The following PLG variants were observed in gnomAD, a reference collection of about 807,000 sequenced individuals.
The protein encoded by PLG is plasminogen.
A neutral mutation model predicts 104.4 loss-of-function variants in PLG; 41 were observed. The ratio of observed to expected loss-of-function variants is 0.39; its 90% CI spans 0.31 to 0.51. PLG has a LOEUF of 0.51. Among genes scored for constraint, PLG ranks in the 20% least tolerant of loss-of-function variants. The pLI, the probability that PLG is intolerant of heterozygous loss-of-function variation, is 0.76. For synonymous variants in PLG, 337 were observed against 357.1 expected, an observed-to-expected ratio of 0.94 and a Z score of 0.63; for missense variants, 891 against 1,003.6, an observed-to-expected ratio of 0.89 and a Z score of 1.52.
chr6:160,749,327 C>T (rs1308970841), intron 17 of PLG, among the ~76,000 whole-genome samples: 1 of 151,930 alleles, frequency 6.6e-6, no homozygotes, highest in Non-Finnish European at 1.5e-5. Context: ...ATCATCACCA[C>T]CACCACCATC....
Position 160,703,324 on chromosome 6 carries a change from G to A in PLG, c.49+971G>A, listed in dbSNP as rs139428558. Among the ~76,000 whole-genome samples the A allele has an allele frequency of 4.1e-3, 619 of 150,968 alleles. 1 individual carries two copies. The highest frequency in any genetic ancestry group is 0.014 in the African/African-American group (579 of 41,098). The stretch of plus-strand genomic sequence containing the variant: ...TAACATATAGAATTCACCCATTTAG[G>A]CATACAATCCAATGGATTTCAAGAT... On this transcript the variant is annotated intron_variant, in intron 1 of 18. Coordinates refer to ENST00000308192, the MANE Select transcript of PLG (RefSeq NM_000301.5).
In PLG at chr6:160,740,762, C is replaced by G. The variant is rs553410751; in HGVS notation, c.2019-549C>G. ...CTTTGAAAACAAATACCATTTTGTTCAAGCAAAAGGCTTATTTCCAATCCT... is the reference window on the plus strand; with the variant it reads ...CTTTGAAAACAAATACCATTTTGTTGAAGCAAAAGGCTTATTTCCAATCCT... On this transcript the variant is annotated intron_variant, in intron 16 of 18. Coordinates refer to ENST00000308192, the MANE Select transcript of PLG (RefSeq NM_000301.5). The surrounding 1 kb of genome is among the most constrained non-coding windows in gnomAD (Gnocchi z 5.2). Among the ~76,000 whole-genome samples, 5 of 152,290 alleles carry G rather than the reference C, an allele frequency of 3.3e-5. No individual in the cohort carries two copies. In the East Asian group the frequency reaches 9.7e-4, roughly 29 times the overall value.
rs1562378606 is a variant in PLG, at chr6:160,732,287, T to A, written c.1587+394T>A. ...ATTTGGATGGGCCATCAGGTCACCA[T>A]GGGACTTCCCTTAGCCTCATGCATT... On this transcript the variant is annotated intron_variant, in intron 12 of 18. Coordinates refer to ENST00000308192, the MANE Select transcript of PLG (RefSeq NM_000301.5). The surrounding 1 kb of genome is among the most constrained non-coding windows in gnomAD (Gnocchi z 4.5). 6.6e-6 allele frequency among the ~76,000 whole-genome samples: 1 copy of A among 152,218 alleles called. No individual in the cohort carries two copies. The highest frequency in any genetic ancestry group is 2.4e-5 in the African/African-American group (1 of 41,446).
intron 2 of PLG, 60 bp downstream of exon 2, chr6:160,706,602 C>T (rs1052103805): frequency 5.3e-6 from 8 of 1,501,082 alleles, no homozygotes; most frequent in Non-Finnish European, 7.4e-6. Context: ...AAGTAATTTA[C>T]TCACAAATTT....
At position 160,752,837 on chromosome 6, in the gene PLG, G is replaced by A. The variant is rs1778428407; in HGVS notation, c.2272-63G>A. ...TGTATATATGGATAGTAGAAGGATGGCATCCCATAATAAAAGGCAGGCAGC... is the reference window on the plus strand; with the variant it reads ...TGTATATATGGATAGTAGAAGGATGACATCCCATAATAAAAGGCAGGCAGC... On this transcript the variant is annotated intron_variant, in intron 18 of 18. Coordinates refer to ENST00000308192, the MANE Select transcript of PLG (RefSeq NM_000301.5). This position sits in a 1 kb window ranked among gnomAD's most constrained non-coding sequence, Gnocchi z 4.7. The A allele has an allele frequency of 6.5e-7, 1 of 1,542,948 alleles. No homozygotes were observed. Among genetic ancestry groups the A allele is most frequent in the South Asian group, 1.1e-5 (1 of 89,566 alleles).
At chr6:160,710,970 A>G in intron 3 of PLG, 107 bp from the exon 4 acceptor site, 1 of 967,220 alleles carries the variant, frequency 1.0e-6, no homozygotes, top group South Asian at 1.3e-5. Context: ...GAAAGCAGAA[A>G]CAGGGGGTCT....
chr6:160,714,059 T>C (rs2115159347), intron 5 of PLG, among the ~76,000 whole-genome samples: 2 of 152,338 alleles, frequency 1.3e-5, no homozygotes, highest in East Asian at 3.9e-4. Flanking sequence ...CACCATGTTA[T>C]AGGTATTTGC....
intron 10 of PLG, 56 bp from the exon 11 acceptor site, chr6:160,730,995 G>T: frequency 6.5e-7 from 1 of 1,537,938 alleles, no homozygotes; most frequent in Non-Finnish European, 9.0e-7. Context: ...GAGGGTGCTG[G>T]GTGCCCCTGA....
rs571997762 is a variant in PLG at position 160,702,276 on chromosome 6, C to T, written c.-29C>T. On this transcript the variant is annotated 5_prime_UTR_variant, in exon 1 of 19. Transcript: ENST00000308192. ...AACAACATCCTGGGATTGGGACCCA[C>T]TTTCTGGGCACTGCTGGCCAGTCCC... 1.9e-6 allele frequency: 3 copies of T among 1,609,402 alleles called. No individual in the cohort carries two copies. The highest frequency in any genetic ancestry group is 2.2e-5 in the East Asian group (1 of 44,872).
At position 160,726,958 on chromosome 6, in the gene PLG, A is replaced by G. The variant is rs1164670910; in HGVS notation, c.1257-4093A>G. Among the ~76,000 whole-genome samples, 1 of 152,012 alleles carries G rather than the reference A, an allele frequency of 6.6e-6. No homozygotes were observed. The highest frequency in any genetic ancestry group is 1.9e-4 in the East Asian group (1 of 5,194). On this transcript the variant is annotated intron_variant, in intron 10 of 18. Coordinates refer to ENST00000308192, the MANE Select transcript of PLG (RefSeq NM_000301.5). This position sits in a 1 kb window ranked among gnomAD's most constrained non-coding sequence, Gnocchi z 4.4. The stretch of plus-strand genomic sequence containing the variant: ...TGTGAAATCCAGTGTATAAGAATAT[A>G]GACAAACAATTGAGTAAATCTGTGA...
At chr6:160,715,324 T>C (rs1777711284) in intron 6 of PLG, among the ~76,000 whole-genome samples, 1 of 152,216 alleles carries the variant, frequency 6.6e-6, no homozygotes, top group Non-Finnish European at 1.5e-5. Context: ...CTCCTTGTCT[T>C]TCTTTTCCCT....
rs1467803291 is a variant in PLG, at chr6:160,752,694, C to A, written c.2272-206C>A. 6.6e-6 allele frequency among the ~76,000 whole-genome samples: 1 copy of A among 152,114 alleles called. No homozygotes were observed. The highest frequency in any genetic ancestry group is 1.5e-5 in the Non-Finnish European group (1 of 68,022). On this transcript the variant is annotated intron_variant, in intron 18 of 18. Coordinates refer to ENST00000308192, the MANE Select transcript of PLG (RefSeq NM_000301.5). The surrounding 1 kb of genome is among the most constrained non-coding windows in gnomAD (Gnocchi z 4.7). ...AGGATTCACAAAAGATCTTTTCTAC[C>A]CCCCGGAAAAACTAAGTGGTGTGGT...
At chr6:160,749,477 TATC>T (rs1268599884) in intron 17 of PLG, among the ~76,000 whole-genome samples, 1 of 94,268 alleles carries the variant, frequency 1.1e-5, no homozygotes, top group Non-Finnish European at 2.1e-5. Flanking sequence ...TTACCATCAC[TATC>T]ATCACCACCA....
At chr6:160,710,730 A>G (rs531160475) in intron 3 of PLG, among the ~76,000 whole-genome samples, 2 of 151,994 alleles carry the variant, frequency 1.3e-5, no homozygotes, top group African/African-American at 4.8e-5. Context: ...TCATTAAGTG[A>G]TCTCATTTTA....
In PLG at chr6:160,752,277, A is replaced by G. The variant is rs776667729; in HGVS notation, c.2271+17A>G. 4 of 1,612,102 alleles carry G rather than the reference A, an allele frequency of 2.5e-6. No homozygotes were observed. In the African/African-American group the frequency reaches 4.0e-5, roughly 16 times the overall value. On this transcript the variant is annotated intron_variant, in intron 18 of 18. Coordinates refer to ENST00000308192, the MANE Select transcript of PLG (RefSeq NM_000301.5). This position sits in a 1 kb window ranked among gnomAD's most constrained non-coding sequence, Gnocchi z 4.7. ...AGTTGCCAGGTAAGCAAAGATCAAG[A>G]GACCAAAGTTAGTCTTGTGCTCTCT...
chr6:160,715,868 C>G (rs916567007), intron 6 of PLG, among the ~76,000 whole-genome samples: 2 of 152,250 alleles, frequency 1.3e-5, no homozygotes, highest in Non-Finnish European at 1.5e-5. Flanking sequence ...TAAGCCGCTG[C>G]TGGCTCCTCT....
At position 160,723,469 on chromosome 6, in the gene PLG, C is replaced by G. The variant is rs559670869; in HGVS notation, c.1256+902C>G. Among the ~76,000 whole-genome samples, 1 of 152,246 alleles carries G rather than the reference C, an allele frequency of 6.6e-6. No individual in the cohort carries two copies. Among genetic ancestry groups the G allele is most frequent in the African/African-American group, 2.4e-5 (1 of 41,554 alleles). On this transcript the variant is annotated intron_variant, in intron 10 of 18. Transcript: ENST00000308192. The surrounding 1 kb of genome is among the most constrained non-coding windows in gnomAD (Gnocchi z 4.7). ...CCCAATAACTACCTTGGCTTTGTTC[C>G]TGGAGACTTCCTGGGCTGAAGAACA...
chr6:160,747,260 A>G (rs1778291747), intron 17 of PLG, among the ~76,000 whole-genome samples: 1 of 152,218 alleles, frequency 6.6e-6, no homozygotes, highest in Non-Finnish European at 1.5e-5. Flanking sequence ...GGTGTGGATG[A>G]GAACAAGAGA....
Position 160,752,914 on chromosome 6 carries a change from T to G in PLG, c.2286T>G (p.Gly762=), listed in dbSNP as rs11060. Residue 762 remains glycine, a synonymous_variant, in exon 19 of 19, where the codon GGT becomes GGG. Transcript: ENST00000308192. This position sits in a 1 kb window ranked among gnomAD's most constrained non-coding sequence, Gnocchi z 4.7. ...GTDSCQGDSG[G]PLVCFEKDKY... ...CCTCTGTATAGGGTGACAGTGGAGG[T>G]CCTCTGGTTTGCTTCGAGAAGGACA... 911,240 of 1,612,334 alleles carry G rather than the reference T, an allele frequency of 0.57. 264,496 individuals carry two copies. Among genetic ancestry groups the G allele is most frequent in the East Asian group, 0.98 (44,152 of 44,856 alleles).
Sources: allele counts gnomAD v4.1 joint callset (sites outside exome capture counted in the v4.1 genomes callset), GRCh38; gene constraint gnomAD v4.1.1; non-coding constraint Gnocchi (gnomAD v3.1); transcripts MANE v1.5; gene names NCBI Gene and HGNC (gene_info 2026-07-23, HGNC 2026-07-21).